ROBO2: variants seen among roughly 807,000 people sequenced by gnomAD.
ROBO2 encodes the protein roundabout guidance receptor 2.
A neutral mutation model predicts 160.8 loss-of-function variants in ROBO2; 53 were observed. That is an observed-to-expected ratio of 0.33 (90% CI 0.26 to 0.41). The LOEUF (loss-of-function observed/expected upper bound fraction) is 0.41, where lower values mean the gene tolerates loss of function less well. Among genes scored for constraint, ROBO2 ranks in the 10% least tolerant of loss-of-function variants. The pLI is 1.00. For missense variants in ROBO2, 1,577 were observed against 1,722.4 expected (o/e 0.92, Z 1.49); for synonymous variants, 664 against 611.7 (o/e 1.09, Z -1.26).
intron 2 of ROBO2, among the ~76,000 whole-genome samples, chr3:77,174,688 T>C (rs879270518): frequency 2.0e-5 from 3 of 152,120 alleles, no homozygotes; most frequent in Non-Finnish European, 4.4e-5. Context: ...TATCTGCTTA[T>C]GTTTATGATT....
intron 13 of ROBO2, among the ~76,000 whole-genome samples, chr3:77,573,352 T>A (rs563989498): frequency 1.3e-5 from 2 of 152,134 alleles, no homozygotes; most frequent in South Asian, 2.1e-4. Flanking sequence ...CATTTTTTAA[T>A]CTTGCATTTT....
chr3:77,478,446 T>C (rs1394814827), intron 3 of ROBO2, among the ~76,000 whole-genome samples: 2 of 152,214 alleles, frequency 1.3e-5, no homozygotes, highest in Non-Finnish European at 2.9e-5. Flanking sequence ...AAAGGAAATT[T>C]ATAATCAGAT....
intron 2 of ROBO2, among the ~76,000 whole-genome samples, chr3:76,075,444 T>A (rs1026535175): frequency 1.9e-4 from 29 of 149,466 alleles, no homozygotes; most frequent in African/African-American, 3.5e-4. Context: ...GGGATATTTT[T>A]AAAAATGTTC....
chr3:76,093,318 A>G (rs2069306464), intron 2 of ROBO2, among the ~76,000 whole-genome samples: 1 of 152,026 alleles, frequency 6.6e-6, no homozygotes, highest in South Asian at 2.1e-4. Flanking sequence ...GTAGACATTA[A>G]CATAGCATGC....
rs1452551739 is a variant in ROBO2, at chr3:76,773,675, C to T, written c.110-324339C>T. The stretch of plus-strand genomic sequence containing the variant: ...AATATATCTAATAAAACATACCTTA[C>T]CAGAGAAAGTGAGAAAGAATCTTAT... On this transcript the variant is annotated intron_variant, in intron 2 of 26. Coordinates refer to the ROBO2 transcript ENST00000487694. 1.4e-4 allele frequency among the ~76,000 whole-genome samples: 21 copies of T among 150,102 alleles called. 1 individual carries two copies.
chr3:77,292,158 G>T (rs1428786296), intron 2 of ROBO2, among the ~76,000 whole-genome samples: 1 of 151,124 alleles, frequency 6.6e-6, no homozygotes, highest in Non-Finnish European at 1.5e-5. Flanking sequence ...GGTTAAACGG[G>T]TAAGCTGAGG....
At chr3:75,954,465 T>G (rs1014804811) in intron 2 of ROBO2, among the ~76,000 whole-genome samples, 3 of 151,886 alleles carry the variant, frequency 2.0e-5, no homozygotes, top group African/African-American at 7.2e-5. Context: ...CAACTCCTAC[T>G]GCTTCAAGGA....
At chr3:77,509,192 G>T (rs1379318226) in intron 5 of ROBO2, among the ~76,000 whole-genome samples, 4 of 152,036 alleles carry the variant, frequency 2.6e-5, no homozygotes, top group Non-Finnish European at 5.9e-5. Context: ...TCTCTGAGCT[G>T]ATGAAGGTTG....
At chr3:77,251,932 A>T (rs1244702242) in intron 2 of ROBO2, among the ~76,000 whole-genome samples, 1 of 152,176 alleles carries the variant, frequency 6.6e-6, no homozygotes, top group Non-Finnish European at 1.5e-5. Context: ...AGTAGCACGA[A>T]AATGGACTGA....
chr3:76,190,796 T>C (rs1211988444), intron 2 of ROBO2, among the ~76,000 whole-genome samples: 2 of 152,120 alleles, frequency 1.3e-5, no homozygotes, highest in African/African-American at 2.4e-5. Flanking sequence ...CTGTACCTAA[T>C]ATTTTCTTTC....
chr3:75,974,512 G>A (rs1295353041), intron 2 of ROBO2, among the ~76,000 whole-genome samples: 1 of 151,502 alleles, frequency 6.6e-6, no homozygotes, highest in East Asian at 2.0e-4. Flanking sequence ...CATTAATTAA[G>A]TAAAATTTAT....
chr3:76,585,863 T>G (rs1490876787), intron 2 of ROBO2, among the ~76,000 whole-genome samples: 2 of 152,196 alleles, frequency 1.3e-5, no homozygotes, highest in Non-Finnish European at 2.9e-5. Context: ...CAGTATGTTA[T>G]ATACACATAT....
chr3:76,080,477 A>C (rs183528012), intron 2 of ROBO2, among the ~76,000 whole-genome samples: 2 of 152,310 alleles, frequency 1.3e-5, no homozygotes, highest in African/African-American at 4.8e-5. Context: ...GGAGCACAAC[A>C]CATTCTTTTT....
intron 6 of ROBO2, among the ~76,000 whole-genome samples, chr3:77,535,589 T>A (rs1235190625): frequency 2.6e-5 from 4 of 152,218 alleles, no homozygotes; most frequent in Non-Finnish European, 4.4e-5. Context: ...AATTCGTTTT[T>A]AAGTTAATAG....
intron 2 of ROBO2, among the ~76,000 whole-genome samples, chr3:76,480,873 T>A (rs1360620552): frequency 6.6e-6 from 1 of 152,344 alleles, no homozygotes; most frequent in East Asian, 1.9e-4. Flanking sequence ...GAACAGATGT[T>A]AAAGCAGATT....
chr3:77,396,386 C>G lies in ROBO2; in HGVS notation c.389-81028C>G, dbSNP rs2075288516. On this transcript the variant is annotated intron_variant, in intron 2 of 25. Coordinates refer to ENST00000461745, the Ensembl canonical transcript of ROBO2. Reference sequence around the variant, plus strand: ...TTTGAAATAATCAAATTATTAAAAGCATTCTAATCACCTTGCAATCACAAT... The same window carrying G: ...TTTGAAATAATCAAATTATTAAAAGGATTCTAATCACCTTGCAATCACAAT... Among the ~76,000 whole-genome samples, 3 of 152,002 alleles carry G rather than the reference C, an allele frequency of 2.0e-5. No individual in the cohort carries two copies. The South Asian group carries it at 6.2e-4, about 31-fold the overall frequency.
At chr3:77,612,846 G>A (rs1352311908) in intron 21 of ROBO2, among the ~76,000 whole-genome samples, 2 of 152,032 alleles carry the variant, frequency 1.3e-5, no homozygotes, top group East Asian at 3.9e-4. Context: ...CCAGCTACTC[G>A]GGAGGCTGAG....
chr3:77,529,544 G>C (rs546063700), intron 6 of ROBO2, among the ~76,000 whole-genome samples: 4 of 151,842 alleles, frequency 2.6e-5, no homozygotes, highest in Admixed American at 1.3e-4. Context: ...TTATAGAATA[G>C]TATGTTAATA....
chr3:77,394,262 A>C (rs565729820), intron 2 of ROBO2, among the ~76,000 whole-genome samples: 3 of 152,242 alleles, frequency 2.0e-5, no homozygotes, highest in African/African-American at 7.2e-5. Flanking sequence ...TCATGTGAAG[A>C]CCATTTGACC....
Sources: allele counts gnomAD v4.1 joint callset (sites outside exome capture counted in the v4.1 genomes callset), GRCh38; gene constraint gnomAD v4.1.1; transcripts MANE v1.5; gene names NCBI Gene and HGNC (gene_info 2026-07-23, HGNC 2026-07-21).